The following CACNB4 variants were observed in gnomAD, a reference collection of about 807,000 sequenced individuals.
CACNB4 encodes the protein calcium voltage-gated channel auxiliary subunit beta 4.
In CACNB4, 32 loss-of-function variants were observed where a neutral mutation model predicts 71.2. The observed-to-expected ratio is 0.45, with a 90% CI of 0.34 to 0.60. The LOEUF is 0.60. CACNB4 is among the 20% of genes least tolerant of loss of function. The probability of loss-of-function intolerance (pLI) is 0.01; values close to 1 mark genes in which losing one functional copy is unlikely to be tolerated. For synonymous variants in CACNB4, 231 were observed against 236.9 expected (o/e 0.97, Z 0.23); for missense variants, 464 against 647.9 (o/e 0.72, Z 3.08).
chr2:151,882,208 T>TTTTTTGG (rs2099848084), intron 3 of CACNB4, among the ~76,000 whole-genome samples: 1 of 95,168 alleles, frequency 1.1e-5, no homozygotes, highest in African/African-American at 3.3e-5. Context: ...TTTTTTTTTT[T>TTTTTTGG]GGTAGGGTTT....
chr2:151,997,906 G>A (rs148758347), intron 2 of CACNB4, among the ~76,000 whole-genome samples: 41 of 152,178 alleles, frequency 2.7e-4, no homozygotes, highest in African/African-American at 7.9e-4. Flanking sequence ...TTTCACTTTC[G>A]TGGGAGCCAT....
intron 2 of CACNB4, among the ~76,000 whole-genome samples, chr2:152,000,126 T>C (rs949039335): frequency 2.0e-5 from 3 of 152,210 alleles, no homozygotes; most frequent in African/African-American, 7.2e-5. Flanking sequence ...TGATGCTCAT[T>C]TGCATCAGCA....
intron 2 of CACNB4, among the ~76,000 whole-genome samples, chr2:152,001,297 C>G (rs938687607): frequency 1.3e-5 from 2 of 151,994 alleles, no homozygotes; most frequent in Non-Finnish European, 2.9e-5. Flanking sequence ...GCCTGAGACT[C>G]AGGCCCTGCC....
At chr2:152,097,464 C>A (rs979104791) in intron 2 of CACNB4, among the ~76,000 whole-genome samples, 2 of 152,120 alleles carry the variant, frequency 1.3e-5, no homozygotes, top group African/African-American at 2.4e-5. Context: ...GGACACACCC[C>A]GACAATTTCT....
chr2:151,934,186 T>C (rs1427013260), intron 2 of CACNB4, among the ~76,000 whole-genome samples: 1 of 152,248 alleles, frequency 6.6e-6, no homozygotes, highest in Non-Finnish European at 1.5e-5. Flanking sequence ...AAGGGAGTGT[T>C]ACCTATGTGA....
intron 12 of CACNB4, 64 bp downstream of exon 12, chr2:151,853,384 A>G (rs2099839530): frequency 3.3e-6 from 3 of 898,894 alleles, no homozygotes; most frequent in African/African-American, 3.5e-5. Context: ...CAATATGAAG[A>G]AAAAAAAACC....
intron 2 of CACNB4, among the ~76,000 whole-genome samples, chr2:152,028,589 G>A (rs759318815): frequency 4.6e-5 from 7 of 152,122 alleles, no homozygotes; most frequent in Non-Finnish European, 1.0e-4. Context: ...GTCTTTCTGC[G>A]AAAGAAGAAG....
chr2:151,999,483 C>T (rs1285127626), intron 2 of CACNB4, among the ~76,000 whole-genome samples: 1 of 151,816 alleles, frequency 6.6e-6, no homozygotes, highest in Admixed American at 6.6e-5. Context: ...CAAAGGAGCA[C>T]CTATTTTTAA....
intron 2 of CACNB4, among the ~76,000 whole-genome samples, chr2:151,884,530 G>A (rs1269482913): frequency 6.7e-6 from 1 of 150,230 alleles, no homozygotes; most frequent in Non-Finnish European, 1.5e-5. Flanking sequence ...AGCTACTCAG[G>A]AGGCTGAGGC....
At chr2:151,967,563 G>A (rs1221933216) in intron 2 of CACNB4, 1 of 152,080 alleles carries the variant, frequency 6.6e-6, no homozygotes, top group Non-Finnish European at 1.5e-5. Context: ...GCTGCCAATA[G>A]AGTAATAACG....
chr2:152,048,744 C>T (rs1256810227), intron 2 of CACNB4: 3 of 152,230 alleles, frequency 2.0e-5, no homozygotes, highest in African/African-American at 7.2e-5. Flanking sequence ...GGACCTTGGG[C>T]AAATCATTTA....
intron 10 of CACNB4, among the ~76,000 whole-genome samples, chr2:151,855,735 T>C (rs968989479): frequency 6.6e-6 from 1 of 152,242 alleles, no homozygotes; most frequent in African/African-American, 2.4e-5. Context: ...AGAAAACAAC[T>C]GAAATATATG....
rs371881751 is a variant in CACNB4 at position 151,922,888 on chromosome 2, G to A, written c.148-39518C>T. On this transcript the variant is annotated intron_variant, in intron 2 of 13. Transcript: ENST00000539935. Reference sequence around the variant, plus strand: ...AGATCAAATGTAGTCAATACTGAGCGTTTGTTGATTTTGCCTACTGCAAAA... The same window carrying A: ...AGATCAAATGTAGTCAATACTGAGCATTTGTTGATTTTGCCTACTGCAAAA... 1.1e-3 allele frequency among the ~76,000 whole-genome samples: 161 copies of A among 152,282 alleles called. 4 individuals carry two copies. The South Asian group carries it at 0.028, about 26-fold the overall frequency.
intron 2 of CACNB4, among the ~76,000 whole-genome samples, chr2:151,977,163 C>A (rs1480830910): frequency 6.6e-6 from 1 of 152,220 alleles, no homozygotes; most frequent in Non-Finnish European, 1.5e-5. Flanking sequence ...AACTGCATAG[C>A]CTCAAGGAGG....
chr2:151,928,586 GGATA>G (rs1473896271), intron 2 of CACNB4, among the ~76,000 whole-genome samples: 3 of 152,134 alleles, frequency 2.0e-5, no homozygotes, highest in Admixed American at 2.0e-4. Flanking sequence ...ATCAAGCTGT[GGATA>G]TGCAATCTCT....
intron 2 of CACNB4, among the ~76,000 whole-genome samples, chr2:152,094,600 G>A (rs1396720903): frequency 6.6e-6 from 1 of 152,108 alleles, no homozygotes; most frequent in Non-Finnish European, 1.5e-5. Context: ...AGATACTCGG[G>A]GTACATGGTC....
At chr2:152,047,362 T>G (rs2105274569) in intron 2 of CACNB4, among the ~76,000 whole-genome samples, 1 of 152,318 alleles carries the variant, frequency 6.6e-6, no homozygotes, top group South Asian at 2.1e-4. Flanking sequence ...GAGAGAGTTA[T>G]GCCCACAGGC....
In CACNB4 at chr2:152,035,870, G is replaced by A. The variant is rs1684562999; in HGVS notation, c.147+62460C>T. Among the ~76,000 whole-genome samples the A allele has an allele frequency of 2.0e-5, 3 of 152,030 alleles. No individual in the cohort carries two copies. The South Asian group carries it at 6.2e-4, about 32-fold the overall frequency. ...CATTGAGAATAAAACTGTTAAATGT[G>A]CACACTGTGTTCACCGCAGCATTAT... On this transcript the variant is annotated intron_variant, in intron 2 of 13. Transcript: ENST00000539935.
chr2:151,998,208 C>T (rs1682176782), intron 2 of CACNB4, among the ~76,000 whole-genome samples: 1 of 151,534 alleles, frequency 6.6e-6, no homozygotes, highest in Non-Finnish European at 1.5e-5. Flanking sequence ...ACCTGTAGTC[C>T]CAGCTACTCA....
Sources: gnomAD v4.1 joint callset for allele counts (sites outside exome capture counted in the v4.1 genomes callset) on GRCh38, gnomAD v4.1.1 for gene constraint, MANE v1.5 for transcripts, NCBI Gene and HGNC (gene_info 2026-07-23, HGNC 2026-07-21) for gene names.